Variants in FRMD6 observed in about 807,000 individuals in gnomAD.
FRMD6 encodes FERM domain-containing protein 6.
FRMD6 carries 37 observed loss-of-function variants against 73.2 expected under a neutral mutation model. The observed-to-expected ratio is 0.51, with a 90% CI of 0.39 to 0.66. FRMD6 has a LOEUF of 0.66. FRMD6 is among the 30% of genes least tolerant of loss of function. FRMD6 has a pLI of 0.00. For missense variants in FRMD6, 714 were observed against 780.5 expected (o/e 0.91, Z 1.02); for synonymous variants, 273 against 282.2 (o/e 0.97, Z 0.33).
chr14:51,463,601 T>C, the FRMD6 span, among the ~76,000 whole-genome samples: 5 of 152,188 alleles, frequency 3.3e-5, no homozygotes, highest in Non-Finnish European at 7.3e-5. Flanking sequence ...GGAAGTAGAA[T>C]TGGCAAGGCC....
Position 51,702,514 on chromosome 14 carries a change from T to G in FRMD6, c.297T>G (p.Gly99=). 1 of 1,611,266 alleles carries G rather than the reference T, an allele frequency of 6.2e-7. No individual in the cohort carries two copies. Among genetic ancestry groups the G allele is most frequent in the Non-Finnish European group, 8.5e-7 (1 of 1,178,092 alleles). ...TTTGTGTGTGCTTTTGTTTCTAGGG[T>G]ATCGACCAATTTGGGCCTCCTATGA... The part of the protein sequence containing the change: ...SKVRQYEVTW[G]IDQFGPPMII... Residue 99 remains glycine, a splice_region_variant and synonymous_variant, in exon 5 of 14, where the codon GGT becomes GGG. Coordinates refer to ENST00000344768, the MANE Select transcript of FRMD6 (RefSeq NM_001267046.2).
chr14:51,637,107 A>T (rs1319992568), intron 2 of FRMD6, among the ~76,000 whole-genome samples: 1 of 152,080 alleles, frequency 6.6e-6, no homozygotes, highest in Non-Finnish European at 1.5e-5. Context: ...CTATAGTTCC[A>T]ACTACGTGGG....
intron 2 of FRMD6, among the ~76,000 whole-genome samples, chr14:51,570,917 C>G (rs1888101486): frequency 6.6e-6 from 1 of 152,190 alleles, no homozygotes; most frequent in East Asian, 1.9e-4. Context: ...TAAATTCTAT[C>G]TAATATGGGA....
chr14:51,585,171 A>AT (rs1268543189), intron 2 of FRMD6, among the ~76,000 whole-genome samples: 4 of 152,106 alleles, frequency 2.6e-5, no homozygotes, highest in African/African-American at 4.8e-5. Flanking sequence ...TGTGACTGCT[A>AT]TTTTAACATT....
intron 1 of FRMD6, among the ~76,000 whole-genome samples, chr14:51,494,004 C>A (rs574342125): frequency 6.6e-6 from 1 of 152,146 alleles, no homozygotes; most frequent in Non-Finnish European, 1.5e-5. Context: ...GTGGAAGGTG[C>A]TAGCTAGTGG....
intron 1 of FRMD6, among the ~76,000 whole-genome samples, chr14:51,501,591 A>T (rs186121609): frequency 6.6e-6 from 1 of 152,222 alleles, no homozygotes; most frequent in East Asian, 1.9e-4. Flanking sequence ...GTGTATATGT[A>T]CCACATTTTC....
At chr14:51,599,056 G>GTTTTTTTTTT (rs778270230) in intron 2 of FRMD6, among the ~76,000 whole-genome samples, 2 of 69,560 alleles carry the variant, frequency 2.9e-5, no homozygotes, top group African/African-American at 1.4e-4. Flanking sequence ...GCCAGTATCT[G>GTTTTTTTTTT]TCTTTTTTTT....
chr14:51,474,246 G>A, the FRMD6 span, among the ~76,000 whole-genome samples: 12 of 152,318 alleles, frequency 7.9e-5, no homozygotes, highest in African/African-American at 2.6e-4. Context: ...CATCATTGCT[G>A]TGATTAGCAA....
At chr14:51,598,382 T>C (rs1889838328) in intron 2 of FRMD6, among the ~76,000 whole-genome samples, 1 of 152,232 alleles carries the variant, frequency 6.6e-6, no homozygotes, top group Non-Finnish European at 1.5e-5. Context: ...TATTGTTGCA[T>C]GTCATTGCCT....
At chr14:51,635,239 TAAGC>T (rs1462491144) in intron 2 of FRMD6, among the ~76,000 whole-genome samples, 1 of 152,122 alleles carries the variant, frequency 6.6e-6, no homozygotes, top group Non-Finnish European at 1.5e-5. Flanking sequence ...AATAAATAAA[TAAGC>T]AAGCAAGCTG....
upstream of FRMD6, among the ~76,000 whole-genome samples, chr14:51,648,373 T>C (rs1163279962): frequency 6.6e-6 from 1 of 152,216 alleles, no homozygotes; most frequent in East Asian, 1.9e-4. Context: ...TCTGTGTGCT[T>C]GTTCACTCTG....
At chr14:51,659,059 T>C (rs1206844432) in intron 1 of FRMD6, among the ~76,000 whole-genome samples, 4 of 152,192 alleles carry the variant, frequency 2.6e-5, no homozygotes, top group Admixed American at 2.0e-4. Context: ...GTAATCCGTA[T>C]TGAAGACAGC....
At chr14:51,432,933 CAAATGAAATAGA>C in the FRMD6 span, among the ~76,000 whole-genome samples, 1 of 152,156 alleles carries the variant, frequency 6.6e-6, no homozygotes, top group Non-Finnish European at 1.5e-5. Flanking sequence ...CAATTCACAG[CAAATGAAATAGA>C]AATGGCCCTT....
chr14:51,513,636 T>C (rs1445934807), intron 1 of FRMD6, among the ~76,000 whole-genome samples: 1 of 150,210 alleles, frequency 6.7e-6, no homozygotes, highest in South Asian at 2.1e-4. Context: ...TTTTTTTTTT[T>C]TAACTAAAGG....
chr14:51,419,629 A>C, the FRMD6 span, among the ~76,000 whole-genome samples: 119 of 152,270 alleles, frequency 7.8e-4, 1 homozygote, highest in African/African-American at 2.6e-3. Flanking sequence ...ACTTGGCTTA[A>C]TGAGTTTGGG....
the FRMD6 span, among the ~76,000 whole-genome samples, chr14:51,449,735 A>G: frequency 6.6e-6 from 1 of 152,248 alleles, no homozygotes; most frequent in African/African-American, 2.4e-5. Flanking sequence ...GTGACTGTGG[A>G]AGCCTGGAAG....
chr14:51,529,153 T>C (rs1885435968), intron 1 of FRMD6, among the ~76,000 whole-genome samples: 2 of 152,234 alleles, frequency 1.3e-5, no homozygotes, highest in South Asian at 4.1e-4. Context: ...GCCTTTCCTC[T>C]AAATGGGGAA....
chr14:51,611,114 CA>C (rs1220605434), intron 2 of FRMD6, among the ~76,000 whole-genome samples: 1 of 152,084 alleles, frequency 6.6e-6, no homozygotes, highest in Non-Finnish European at 1.5e-5. Context: ...GGTCTCTGAG[CA>C]GGATCTCCAG....
At chr14:51,489,770 C>CACTT (rs1348797084) in intron 1 of FRMD6, among the ~76,000 whole-genome samples, 2 of 152,224 alleles carry the variant, frequency 1.3e-5, no homozygotes, top group African/African-American at 4.8e-5. Context: ...TCTAGACACA[C>CACTT]ACTTGCCTTG....
Sources: allele counts gnomAD v4.1 joint callset (sites outside exome capture counted in the v4.1 genomes callset), GRCh38; gene constraint gnomAD v4.1.1; transcripts MANE v1.5; gene names NCBI Gene and HGNC (gene_info 2026-07-23, HGNC 2026-07-21).